The following PTPRR variants were observed in gnomAD, a reference collection of about 807,000 sequenced individuals.
PTPRR encodes the protein protein tyrosine phosphatase receptor type R, also known as receptor-type tyrosine-protein phosphatase R.
Under a neutral mutation model 77.2 loss-of-function variants are expected in PTPRR, and 38 were observed. The ratio of observed to expected loss-of-function variants is 0.49; its 90% confidence interval spans 0.38 to 0.65. The LOEUF (loss-of-function observed/expected upper bound fraction) is 0.65. PTPRR is among the 30% of genes least tolerant of loss of function. The probability of loss-of-function intolerance (pLI) is 0.00; values close to 1 mark genes in which losing one functional copy is unlikely to be tolerated. For missense variants in PTPRR, 744 were observed against 799.2 expected (o/e 0.93, Z 0.83); for synonymous variants, 299 against 283.1 (o/e 1.06, Z -0.57).
At chr12:70,810,419 A>T (rs923920844) in intron 2 of PTPRR, among the ~76,000 whole-genome samples, 4 of 152,318 alleles carry the variant, frequency 2.6e-5, no homozygotes, top group Middle Eastern at 3.4e-3. Flanking sequence ...CATTACTTTC[A>T]CAGAGGTCTT....
At chr12:70,716,134 T>TA (rs1169910515) in intron 6 of PTPRR, among the ~76,000 whole-genome samples, 1 of 152,154 alleles carries the variant, frequency 6.6e-6, no homozygotes, top group Non-Finnish European at 1.5e-5. Context: ...CCCGCAACCT[T>TA]ACATAAAGCA....
At position 70,746,085 on chromosome 12, in the gene PTPRR, A is replaced by G. The variant is rs1484857861; in HGVS notation, c.740T>C (p.Ile247Thr). The G allele has an allele frequency of 1.2e-5, 20 of 1,609,206 alleles. No individual in the cohort carries two copies. Among genetic ancestry groups the G allele is most frequent in the Non-Finnish European group, 1.7e-5 (20 of 1,177,226 alleles). Residue 247 changes from isoleucine (I) to threonine (T), a missense_variant and splice_region_variant, in exon 6 of 14, where the codon ATT becomes ACT. Ile to Thr is a moderately conservative substitution (Grantham distance 89, BLOSUM62 -1). This residue lies in a region of PTPRR where 570 missense variants were observed against 573.2 expected (regional missense o/e 0.99). Transcript: ENST00000283228. ...IFVIIVTCLM[I>T]LYRLKERFQL... is the part of the protein sequence containing the mutation. ...AAATCTTTCTTTTAATCTGTAAAGA[A>G]TCTATAGAAGGAGATATAAAAAACT...
chr12:70,760,337 C>G (rs1263129994), intron 4 of PTPRR, among the ~76,000 whole-genome samples: 3 of 152,176 alleles, frequency 2.0e-5, no homozygotes, highest in Non-Finnish European at 4.4e-5. Flanking sequence ...ATACAAACTC[C>G]ATCTGGGTGC....
intron 13 of PTPRR, among the ~76,000 whole-genome samples, chr12:70,641,797 C>G (rs1041700733): frequency 1.3e-5 from 2 of 152,216 alleles, no homozygotes; most frequent in Non-Finnish European, 2.9e-5. Flanking sequence ...CAACATGAAT[C>G]TGTCCTTTCT....
intron 2 of PTPRR, among the ~76,000 whole-genome samples, chr12:70,813,206 C>T (rs1204779999): frequency 6.6e-6 from 1 of 152,174 alleles, no homozygotes; most frequent in South Asian, 2.1e-4. Context: ...AAATGAGATG[C>T]TACAACTTTT....
At chr12:70,704,293 C>T (rs903297804) in intron 6 of PTPRR, among the ~76,000 whole-genome samples, 37 of 152,012 alleles carry the variant, frequency 2.4e-4, no homozygotes, top group Non-Finnish European at 4.1e-4. Context: ...TGGTGCTTGC[C>T]TGTAGTCTCA....
chr12:70,914,828 ACAACAACAG>A (rs1282048502), intron 1 of PTPRR, among the ~76,000 whole-genome samples: 2 of 151,630 alleles, frequency 1.3e-5, no homozygotes, highest in Non-Finnish European at 3.0e-5. Context: ...GTCTCTAACA[ACAACAACAG>A]CAACAACAAC....
At chr12:70,643,291 A>T (rs1886075172) in intron 13 of PTPRR, among the ~76,000 whole-genome samples, 2 of 151,626 alleles carry the variant, frequency 1.3e-5, no homozygotes, top group Non-Finnish European at 2.9e-5. Flanking sequence ...ATGCCACCAT[A>T]CTGAGCTAAT....
chr12:70,642,014 A>G (rs1449519918), intron 13 of PTPRR, among the ~76,000 whole-genome samples: 1 of 152,136 alleles, frequency 6.6e-6, no homozygotes, highest in African/African-American at 2.4e-5. Flanking sequence ...CCTCTTCTAC[A>G]GGCTATTTTA....
Position 70,745,791 on chromosome 12 carries a change from C to T in PTPRR, c.1007+27G>A, listed in dbSNP as rs373093590. On this transcript the variant is annotated intron_variant, in intron 6 of 13. Transcript: ENST00000283228. ...AATACTCTTTTTATAAAAAGCCACA[C>T]GTAGGGTATACAGAACAAGCTCTTA... 87 of 1,600,194 alleles carry T rather than the reference C, an allele frequency of 5.4e-5. No individual in the cohort carries two copies. In the Admixed American group the frequency reaches 6.5e-4, roughly 12 times the overall value.
At chr12:70,739,923 G>T (rs1379642433) in intron 6 of PTPRR, among the ~76,000 whole-genome samples, 1 of 152,068 alleles carries the variant, frequency 6.6e-6, no homozygotes, top group Admixed American at 6.5e-5. Flanking sequence ...GGAATAGAAG[G>T]TTTATTTTAG....
intron 2 of PTPRR, among the ~76,000 whole-genome samples, chr12:70,890,711 TC>T (rs1270297435): frequency 6.6e-6 from 1 of 152,070 alleles, no homozygotes; most frequent in Non-Finnish European, 1.5e-5. Context: ...CACTGCAATA[TC>T]CCTCAAACAA....
At chr12:70,825,766 C>T (rs1298129149) in intron 2 of PTPRR, among the ~76,000 whole-genome samples, 1 of 152,188 alleles carries the variant, frequency 6.6e-6, no homozygotes, top group Admixed American at 6.5e-5. Flanking sequence ...TCTTTACCAT[C>T]TTATATCGCC....
chr12:70,674,088 C>T (rs544087909), intron 10 of PTPRR, among the ~76,000 whole-genome samples: 91 of 152,002 alleles, frequency 6.0e-4, no homozygotes, highest in Non-Finnish European at 1.1e-3. Context: ...TGCGCACCAC[C>T]ACCCCTGGCT....
chr12:70,792,576 T>C (rs1891440199), intron 2 of PTPRR, among the ~76,000 whole-genome samples: 1 of 152,204 alleles, frequency 6.6e-6, no homozygotes, highest in South Asian at 2.1e-4. Context: ...GACAATAAGA[T>C]GTAATTATTT....
rs369682131 is a variant in PTPRR, at chr12:70,777,063, T to C, written c.358-12285A>G. Among the ~76,000 whole-genome samples, 8 of 152,192 alleles carry C rather than the reference T, an allele frequency of 5.3e-5. No homozygotes were observed. In the South Asian group the frequency reaches 1.7e-3, roughly 32 times the overall value. ...TAAAACAATATGTATATATCATACA[T>C]AATATATATTACTATTAAATACAAA... On this transcript the variant is annotated intron_variant, in intron 2 of 13. Coordinates refer to ENST00000283228, the MANE Select transcript of PTPRR (RefSeq NM_002849.4).
At chr12:70,809,250 G>A (rs1051106469) in intron 2 of PTPRR, among the ~76,000 whole-genome samples, 3 of 152,106 alleles carry the variant, frequency 2.0e-5, no homozygotes, top group Non-Finnish European at 4.4e-5. Flanking sequence ...GAGATGTGCA[G>A]CTTTTGCAAC....
intron 5 of PTPRR, among the ~76,000 whole-genome samples, chr12:70,750,524 C>G (rs543532398): frequency 6.6e-6 from 1 of 152,214 alleles, no homozygotes; most frequent in East Asian, 1.9e-4. Flanking sequence ...AGCTTATTAT[C>G]AAAATAATTT....
chr12:70,703,557 AG>A (rs1888509655), intron 6 of PTPRR, among the ~76,000 whole-genome samples: 1 of 152,198 alleles, frequency 6.6e-6, no homozygotes, highest in Non-Finnish European at 1.5e-5. Flanking sequence ...TTAGTGGGAA[AG>A]TAGTTTTTAA....
Sources: allele counts gnomAD v4.1 joint callset (sites outside exome capture counted in the v4.1 genomes callset), GRCh38; gene constraint gnomAD v4.1.1; regional missense constraint gnomAD v4.1.1; transcripts MANE v1.5; gene names NCBI Gene and HGNC (gene_info 2026-07-23, HGNC 2026-07-21).